The following SPATA7 variants were observed in gnomAD, a reference collection of about 807,000 sequenced individuals.
SPATA7 encodes spermatogenesis-associated protein 7.
Under a neutral mutation model 51.8 loss-of-function variants are expected in SPATA7, and 43 were observed. The observed-to-expected ratio is 0.83, with a 90% CI of 0.65 to 1.07. The LOEUF (loss-of-function observed/expected upper bound fraction) is 1.07, where lower values mean the gene tolerates loss of function less well. SPATA7 is among the 50% of genes least tolerant of loss of function. The probability of loss-of-function intolerance (pLI) is 0.00; values close to 1 mark genes in which losing one functional copy is unlikely to be tolerated. For synonymous variants in SPATA7, 230 were observed against 252.8 expected (o/e 0.91, Z 0.86); for missense variants, 683 against 701.3 (o/e 0.97, Z 0.30).
At chr14:88,387,824 G>A (rs938745687) in intron 1 of SPATA7, among the ~76,000 whole-genome samples, 1 of 152,130 alleles carries the variant, frequency 6.6e-6, no homozygotes, top group Non-Finnish European at 1.5e-5. Context: ...GCTTCCTATG[G>A]GGGAAGGTGA....
chr14:88,427,488 A>T (rs1421154538), intron 6 of SPATA7, 142 bp from the exon 7 acceptor site: 1 of 613,236 alleles, frequency 1.6e-6, no homozygotes, highest in African/African-American at 1.9e-5. Context: ...ATCAAATAAA[A>T]TCAAATAATT....
intron 1 of SPATA7, chr14:88,386,040 C>G: frequency 6.9e-7 from 1 of 1,441,680 alleles, no homozygotes; most frequent in Non-Finnish European, 9.1e-7. Context: ...AGGTCCGCTT[C>G]TTTGCCCTGA....
intron 3 of SPATA7, among the ~76,000 whole-genome samples, chr14:88,447,672 C>A (rs919379020): frequency 6.6e-6 from 1 of 151,660 alleles, no homozygotes; most frequent in Non-Finnish European, 1.5e-5. Flanking sequence ...TCTTTTAGGG[C>A]AGGCCTGGTG....
chr14:88,456,598 G>C (rs1279670249), downstream of SPATA7, among the ~76,000 whole-genome samples: 1 of 152,006 alleles, frequency 6.6e-6, no homozygotes, highest in East Asian at 1.9e-4. Flanking sequence ...AAATTTGTTA[G>C]AGTTCTTTGT....
At chr14:88,417,881 A>G (rs2076529516) in intron 5 of SPATA7, among the ~76,000 whole-genome samples, 1 of 152,128 alleles carries the variant, frequency 6.6e-6, no homozygotes, top group African/African-American at 2.4e-5. Flanking sequence ...GCTTGTGTAC[A>G]TTTGGTTTAT....
chr14:88,391,864 C>T, intron 2 of SPATA7: 1 of 174,602 alleles, frequency 5.7e-6, no homozygotes, highest in Non-Finnish European at 1.2e-5. Context: ...GCCTATGGGC[C>T]TCTTTATCCA....
chr14:88,439,920 T>C (rs1477841614), downstream of SPATA7, among the ~76,000 whole-genome samples: 1 of 152,150 alleles, frequency 6.6e-6, no homozygotes, highest in Non-Finnish European at 1.5e-5. Context: ...ACTTCTTCCC[T>C]TTAACCCTGT....
chr14:88,447,304 A>G (rs1031961552), intron 3 of SPATA7, among the ~76,000 whole-genome samples: 2 of 149,760 alleles, frequency 1.3e-5, no homozygotes, highest in African/African-American at 5.0e-5. Context: ...CTAGGATTGC[A>G]ACCCCTGCCT....
rs768837602 is a variant in SPATA7, at chr14:88,433,120, GCCTT to G, written c.1083-10_1083-7del. ...AGGAATAATTTTTATGCTATATATT[GCCTT>G]CCTTTTACAGTGAAGAAGAACTGTT... On this transcript the variant is annotated splice_polypyrimidine_tract_variant and intron_variant, in intron 9 of 11. Coordinates refer to ENST00000393545, the MANE Select transcript of SPATA7 (RefSeq NM_018418.5). The G allele has an allele frequency of 2.5e-6, 4 of 1,598,342 alleles. No homozygotes were observed. Among genetic ancestry groups the G allele is most frequent in the African/African-American group, 2.7e-5 (2 of 74,566 alleles).
At chr14:88,453,449 G>C (rs2077265297) in intron 3 of SPATA7, among the ~76,000 whole-genome samples, 1 of 152,036 alleles carries the variant, frequency 6.6e-6, no homozygotes, top group African/African-American at 2.4e-5. Context: ...AATAAGTAAA[G>C]AACAGAGCAG....
At chr14:88,421,964 A>AG (rs1477829966) in intron 5 of SPATA7, among the ~76,000 whole-genome samples, 5,053 of 151,288 alleles carry the variant, frequency 0.033, 291 homozygotes, top group African/African-American at 0.12. Flanking sequence ...AAAAAAAAAA[A>AG]GTAGAATCTG....
In SPATA7 at chr14:88,427,702, A is replaced by C. The variant is rs760694833; in HGVS notation, c.912+6A>C. The stretch of plus-strand genomic sequence containing the variant: ...CAGAAATGAACATAAAGCAGGTAAT[A>C]AGTATGAAATCTTTTGGTATTGCTA... On this transcript the variant is annotated splice_donor_region_variant and intron_variant, in intron 7 of 11. Coordinates refer to ENST00000393545, the MANE Select transcript of SPATA7 (RefSeq NM_018418.5). 2 of 1,598,542 alleles carry C rather than the reference A, an allele frequency of 1.3e-6. No individual in the cohort carries two copies. Among genetic ancestry groups the C allele is most frequent in the South Asian group, 1.1e-5 (1 of 90,602 alleles).
chr14:88,425,765 A>T (rs1313204185), intron 5 of SPATA7, among the ~76,000 whole-genome samples: 2 of 152,270 alleles, frequency 1.3e-5, no homozygotes, highest in East Asian at 3.9e-4. Flanking sequence ...TCCATACATT[A>T]TGAGGAGAAG....
In SPATA7 at chr14:88,412,849, T is replaced by C. The variant is rs542105248; in HGVS notation, c.239-3862T>C. On this transcript the variant is annotated intron_variant, in intron 4 of 11. Coordinates refer to ENST00000393545, the MANE Select transcript of SPATA7 (RefSeq NM_018418.5). ...TTTTTGTTTTTGTTGCAATTGCTTT[T>C]GAGGACTTGGTCACAAATTCTTTGC... 3.9e-5 allele frequency among the ~76,000 whole-genome samples: 6 copies of C among 152,330 alleles called. No homozygotes were observed. In the East Asian group the frequency reaches 1.2e-3, roughly 29 times the overall value.
chr14:88,468,889 A>G, intron 4 of SPATA7: 1 of 1,613,652 alleles, frequency 6.2e-7, no homozygotes, highest in Non-Finnish European at 8.5e-7. Flanking sequence ...CCACCCAAAA[A>G]GGCCAGGTGA....
At chr14:88,413,879 GCC>G (rs2076405921) in intron 4 of SPATA7, among the ~76,000 whole-genome samples, 1 of 151,922 alleles carries the variant, frequency 6.6e-6, no homozygotes. Flanking sequence ...TGTTGAACCA[GCC>G]TTTCATTCCA....
Position 88,416,562 on chromosome 14 carries a change from G to A in SPATA7, c.239-149G>A, listed in dbSNP as rs1389080451. 2.2e-5 allele frequency: 15 copies of A among 696,866 alleles called. No individual in the cohort carries two copies. In the East Asian group the frequency reaches 3.4e-4, roughly 16 times the overall value. 43.2% of individuals were successfully genotyped at this position (696,866 alleles called of 1,614,324 possible). Reference sequence around the variant, plus strand: ...AATAAATAATTTTTAAAATGTGTTAGTAACTCTTTATATAGGAAAATAAAT... The same window carrying A: ...AATAAATAATTTTTAAAATGTGTTAATAACTCTTTATATAGGAAAATAAAT... On this transcript the variant is annotated intron_variant, in intron 4 of 11. Coordinates refer to ENST00000393545, the MANE Select transcript of SPATA7 (RefSeq NM_018418.5).
intron 4 of SPATA7, among the ~76,000 whole-genome samples, chr14:88,406,950 A>G (rs1007713960): frequency 3.9e-5 from 6 of 152,084 alleles, no homozygotes; most frequent in Admixed American, 2.0e-4. Context: ...ATTCTTTTTT[A>G]TGGCTGCATA....
chr14:88,411,218 C>T (rs562242429), intron 4 of SPATA7, among the ~76,000 whole-genome samples: 4 of 152,216 alleles, frequency 2.6e-5, no homozygotes, highest in African/African-American at 9.6e-5. Context: ...GATGCCCCTC[C>T]CCCCACCAAG....
Sources: allele counts gnomAD v4.1 joint callset (sites outside exome capture counted in the v4.1 genomes callset), GRCh38; gene constraint gnomAD v4.1.1; transcripts MANE v1.5; gene names NCBI Gene and HGNC (gene_info 2026-07-23, HGNC 2026-07-21).